SCN10A: variants seen among roughly 807,000 people sequenced by gnomAD.
SCN10A encodes the protein sodium voltage-gated channel alpha subunit 10.
Under a neutral mutation model 170.7 loss-of-function variants are expected in SCN10A, and 162 were observed. The ratio of observed to expected loss-of-function variants is 0.95; its 90% CI spans 0.84 to 1.08. The LOEUF is 1.08. Ranked by LOEUF, SCN10A falls within the 50% of genes least tolerant of loss-of-function variation. The pLI, the probability that SCN10A is intolerant of heterozygous loss-of-function variation, is 0.00. For synonymous variants in SCN10A, 985 were observed against 904.6 expected (o/e 1.09, Z -1.59); for missense variants, 2,527 against 2,436.9 (o/e 1.04, Z -0.78).
intron 26 of SCN10A, among the ~76,000 whole-genome samples, chr3:38,706,068 G>A (rs2063207621): frequency 6.6e-6 from 1 of 152,130 alleles, no homozygotes; most frequent in South Asian, 2.1e-4. Context: ...CCCTACAGAG[G>A]TCTGAACCTC....
chr3:38,790,797 T>C (rs2064271615), intron 3 of SCN10A, among the ~76,000 whole-genome samples: 1 of 152,180 alleles, frequency 6.6e-6, no homozygotes, highest in South Asian at 2.1e-4. Flanking sequence ...TGGTAATCTC[T>C]ACTTCAGAGG....
At chr3:38,782,409 C>A (rs1450814707) in intron 4 of SCN10A, among the ~76,000 whole-genome samples, 4 of 152,046 alleles carry the variant, frequency 2.6e-5, no homozygotes, top group African/African-American at 9.7e-5. Flanking sequence ...ACTTCTCCAC[C>A]CACTTTTGGT....
rs777980971 is a variant in SCN10A, at chr3:38,698,389, C to T, written c.4831G>A (p.Gly1611Arg). The change falls in exon 28 of 28, where the codon GGG becomes AGG. Residue 1611 changes from glycine (G) to arginine (R), a missense_variant. Transcript: ENST00000449082. ...AACATGACAAGGAATAGCAACAGCC[C>T]GATGTTGAAGAGGGCAGGCAGGGAC... ...MMSLPALFNI[G>R]LLLFLVMFIY... 4.9e-5 allele frequency: 79 copies of T among 1,613,982 alleles called. No homozygotes were observed. Among genetic ancestry groups the T allele is most frequent in the South Asian group, 6.6e-5 (6 of 91,080 alleles).
At chr3:38,721,209 A>G (rs1183721738) in intron 20 of SCN10A, among the ~76,000 whole-genome samples, 2 of 152,154 alleles carry the variant, frequency 1.3e-5, no homozygotes, top group Non-Finnish European at 2.9e-5. Context: ...GGAGGCCTAG[A>G]TATTTAGTAG....
intron 12 of SCN10A, 114 bp downstream of exon 12, chr3:38,752,105 C>G: frequency 2.3e-6 from 2 of 866,588 alleles, no homozygotes; most frequent in Non-Finnish European, 3.3e-6. Flanking sequence ...AATGGGGAGG[C>G]ATTGGACAGG....
chr3:38,797,005 T>G (rs560613410), intron 1 of SCN10A, among the ~76,000 whole-genome samples: 2 of 152,110 alleles, frequency 1.3e-5, no homozygotes, highest in East Asian at 3.9e-4. Context: ...GCTGAAAAAC[T>G]AAAGAACATT....
chr3:38,702,718 T>C (rs571637853), intron 26 of SCN10A, among the ~76,000 whole-genome samples: 1 of 152,346 alleles, frequency 6.6e-6, no homozygotes, highest in Admixed American at 6.5e-5. Flanking sequence ...TTGGAAATGT[T>C]CCCTCTGTTC....
At chr3:38,802,377 G>A (rs1029695934) in intron 1 of SCN10A, among the ~76,000 whole-genome samples, 16 of 152,186 alleles carry the variant, frequency 1.1e-4, no homozygotes, top group South Asian at 6.2e-4. Flanking sequence ...GTATTCAGCC[G>A]TCTATTCATC....
At position 38,720,695 on chromosome 3, in the gene SCN10A, G is replaced by A. The variant is rs187137475; in HGVS notation, c.3507+1563C>T. ...GGTCTGAGCTTCCTCCTGGGAATGT[G>A]GGGGGTGGACCGGGGTGTGAAGAGA... On this transcript the variant is annotated intron_variant, in intron 20 of 27. Coordinates refer to ENST00000449082, the MANE Select transcript of SCN10A (RefSeq NM_006514.4). 4.6e-5 allele frequency among the ~76,000 whole-genome samples: 7 copies of A among 152,228 alleles called. No individual in the cohort carries two copies. In the South Asian group the frequency reaches 8.3e-4, roughly 18 times the overall value.
At chr3:38,768,608 G>T (rs1392319524) in intron 5 of SCN10A, among the ~76,000 whole-genome samples, 1 of 152,180 alleles carries the variant, frequency 6.6e-6, no homozygotes, top group Non-Finnish European at 1.5e-5. Context: ...TGAGAAATCT[G>T]CTGTTAATCT....
chr3:38,761,945 G>A (rs1289931614), intron 6 of SCN10A, among the ~76,000 whole-genome samples: 2 of 152,104 alleles, frequency 1.3e-5, no homozygotes, highest in Non-Finnish European at 2.9e-5. Flanking sequence ...GAGACACAGA[G>A]AAACAGAGAG....
At chr3:38,761,145 C>A (rs2063865206) in intron 7 of SCN10A, 47 bp downstream of exon 7, 12 of 1,430,272 alleles carry the variant, frequency 8.4e-6, no homozygotes, top group Non-Finnish European at 1.2e-5. Context: ...TATATGATAC[C>A]AAGGGTCCAA....
intron 1 of SCN10A, among the ~76,000 whole-genome samples, chr3:38,802,916 T>A (rs1187790192): frequency 6.6e-6 from 1 of 152,112 alleles, no homozygotes; most frequent in Admixed American, 6.5e-5. Context: ...AAAGGGCTAA[T>A]ATCCAGAATC....
At chr3:38,755,011 G>A (rs1402137296) in intron 11 of SCN10A, among the ~76,000 whole-genome samples, 3 of 152,156 alleles carry the variant, frequency 2.0e-5, no homozygotes, top group South Asian at 2.1e-4. Flanking sequence ...GAAGCGTGGC[G>A]AGGAAAGTTG....
chr3:38,772,660 G>A (rs2064018674), intron 4 of SCN10A, among the ~76,000 whole-genome samples: 1 of 151,132 alleles, frequency 6.6e-6, no homozygotes, highest in Admixed American at 6.6e-5. Context: ...CTGCACTCCA[G>A]TCTGGGTGAC....
intron 5 of SCN10A, among the ~76,000 whole-genome samples, chr3:38,770,200 G>T (rs1033922059): frequency 6.6e-6 from 1 of 152,192 alleles, no homozygotes; most frequent in Non-Finnish European, 1.5e-5. Flanking sequence ...CAGCCGGTAG[G>T]TGATGCTTTC....
intron 17 of SCN10A, among the ~76,000 whole-genome samples, chr3:38,725,525 T>C (rs1165588171): frequency 6.6e-6 from 1 of 152,382 alleles, no homozygotes; most frequent in African/African-American, 2.4e-5. Flanking sequence ...CCATTAATTA[T>C]AAGATGTGTG....
At chr3:38,725,727 G>C (rs2063447288) in intron 17 of SCN10A, among the ~76,000 whole-genome samples, 1 of 152,264 alleles carries the variant, frequency 6.6e-6, no homozygotes, top group Non-Finnish European at 1.5e-5. Flanking sequence ...CAAAATTGTA[G>C]GGAACTTGGC....
In SCN10A at chr3:38,742,598, C is replaced by T. The variant is rs987010763; in HGVS notation, c.1868-69G>A. 69 of 1,136,620 alleles carry T rather than the reference C, an allele frequency of 6.1e-5. 1 individual carries two copies. The highest frequency in any genetic ancestry group is 6.8e-5 in the Non-Finnish European group (51 of 750,842). 70.4% of individuals were successfully genotyped at this position (1,136,620 alleles called of 1,614,324 possible). ...CCTTGGACCCCAATTCTGCGGTCAT[C>T]CTCTAGACCTTGTTGTTAATAATAA... On this transcript the variant is annotated intron_variant, in intron 13 of 27. Transcript: ENST00000449082.
Sources: allele counts gnomAD v4.1 joint callset (sites outside exome capture counted in the v4.1 genomes callset), GRCh38; gene constraint gnomAD v4.1.1; transcripts MANE v1.5; gene names NCBI Gene and HGNC (gene_info 2026-07-23, HGNC 2026-07-21).